SCFD1: variants seen among roughly 807,000 people sequenced by gnomAD.
The protein encoded by SCFD1 is sec1 family domain-containing protein 1.
Under a neutral mutation model 103.2 loss-of-function variants are expected in SCFD1, and 37 were observed. The observed-to-expected ratio is 0.36, with a 90% CI of 0.28 to 0.47. The LOEUF is 0.47. Ranked by LOEUF, SCFD1 falls within the 20% of genes least tolerant of loss-of-function variation. The probability of loss-of-function intolerance (pLI) is 1.00; values close to 1 mark genes in which losing one functional copy is unlikely to be tolerated. For missense variants in SCFD1, 639 were observed against 761.2 expected (o/e 0.84, Z 1.89); for synonymous variants, 264 against 245.0 (o/e 1.08, Z -0.73).
At chr14:30,669,710 G>C (rs1013357621) in intron 10 of SCFD1, 2 of 152,262 alleles carry the variant, frequency 1.3e-5, no homozygotes, top group African/African-American at 4.8e-5. Context: ...TAAAATTGCA[G>C]TTCATCACTC....
At chr14:30,684,503 G>A (rs555382835) in intron 14 of SCFD1, among the ~76,000 whole-genome samples, 1 of 152,100 alleles carries the variant, frequency 6.6e-6, no homozygotes, top group Non-Finnish European at 1.5e-5. Flanking sequence ...TTGAGGCAGT[G>A]TACTGAAAAA....
intron 14 of SCFD1, chr14:30,683,248 A>G (rs1159444763): frequency 2.0e-5 from 22 of 1,078,844 alleles, no homozygotes; most frequent in African/African-American, 3.2e-5. Context: ...CTTGTCCTTC[A>G]GGATGTCCAG....
chr14:30,723,101 G>A lies in SCFD1; in HGVS notation c.1836+542G>A, dbSNP rs187144515. ...GAAAAACACTATTTAAAATTCAGGGGCAACAGAATTAGCTATTTTTAGGAT... is the reference window on the plus strand; with the variant it reads ...GAAAAACACTATTTAAAATTCAGGGACAACAGAATTAGCTATTTTTAGGAT... On this transcript the variant is annotated intron_variant, in intron 23 of 24. Coordinates refer to ENST00000458591, the MANE Select transcript of SCFD1 (RefSeq NM_016106.4). Among the ~76,000 whole-genome samples, 309 of 152,200 alleles carry A rather than the reference G, an allele frequency of 2.0e-3. 1 individual carries two copies. Among genetic ancestry groups the A allele is most frequent in the Non-Finnish European group, 3.2e-3 (216 of 68,006 alleles).
rs964876279 is a variant in SCFD1, at chr14:30,708,706, A to G, written c.1629+641A>G. Reference sequence around the variant, plus strand: ...ATAATCAGAGAATATTAATAAGCTAATGAACTTCATATCTAAAGTCCTATG... The same window carrying G: ...ATAATCAGAGAATATTAATAAGCTAGTGAACTTCATATCTAAAGTCCTATG... On this transcript the variant is annotated intron_variant, in intron 19 of 24. Coordinates refer to ENST00000458591, the MANE Select transcript of SCFD1 (RefSeq NM_016106.4). 3.7e-4 allele frequency among the ~76,000 whole-genome samples: 56 copies of G among 152,160 alleles called. 1 individual carries two copies. Among genetic ancestry groups the G allele is most frequent in the Middle Eastern group, 6.3e-3 (2 of 316 alleles).
chr14:30,702,521 G>A (rs73254548), intron 17 of SCFD1, 146 bp downstream of exon 17: 13,118 of 473,704 alleles, frequency 0.028, 272 homozygotes, highest in African/African-American at 0.061. Flanking sequence ...TTCCTTATCT[G>A]GCCCACCCTG....
intron 20 of SCFD1, among the ~76,000 whole-genome samples, chr14:30,716,471 G>A (rs79640501): frequency 0.024 from 3,727 of 152,210 alleles, 147 homozygotes; most frequent in African/African-American, 0.085. Context: ...GGTCAATACC[G>A]TTAGCATTGA....
rs555501436 is a variant in SCFD1, at chr14:30,734,828, G to C, written c.1875G>C (p.Glu625Asp). ...QGKHILYGCS[E>D]LFNATQFIKQ... is the part of the protein sequence containing the mutation. ...AACACATTTTATATGGCTGCAGTGA[G>C]CTTTTTAATGCTACACAGTTCATAA... The change falls in exon 24 of 25, where the codon GAG becomes GAC. Residue 625 changes from glutamate to aspartate, a missense_variant. By Grantham distance (45) the Glu-to-Asp change is conservative. Transcript: ENST00000458591. 3 of 1,613,436 alleles carry C rather than the reference G, an allele frequency of 1.9e-6. No homozygotes were observed. Among genetic ancestry groups the C allele is most frequent in the East Asian group, 4.5e-5 (2 of 44,824 alleles).
rs1176290668 is a variant in SCFD1, at chr14:30,674,099, G to A, written c.1160+102G>A. 4 of 738,242 alleles carry A rather than the reference G, an allele frequency of 5.4e-6. No homozygotes were observed. In the African/African-American group the frequency reaches 7.2e-5, roughly 13 times the overall value. 45.7% of individuals were successfully genotyped at this position (738,242 alleles called of 1,614,324 possible). A position where few individuals can be genotyped will look rare whatever the true frequency, so the allele number is the denominator to read the frequency against. On this transcript the variant is annotated intron_variant, in intron 13 of 24. Coordinates refer to ENST00000458591, the MANE Select transcript of SCFD1 (RefSeq NM_016106.4). ...TGTTTTTAACTAGTAGGAAACTGTA[G>A]GCAATAGCAAATATAACTTTGAATT...
At chr14:30,726,156 C>A (rs78432125) in intron 23 of SCFD1, among the ~76,000 whole-genome samples, 11,856 of 152,074 alleles carry the variant, frequency 0.078, 751 homozygotes, top group African/African-American at 0.17. Flanking sequence ...AGATAAACAC[C>A]AAAATACTAA....
chr14:30,639,926 A>G, intron 6 of SCFD1, 62 bp downstream of exon 6: 1 of 1,493,054 alleles, frequency 6.7e-7, no homozygotes, highest in Non-Finnish European at 8.9e-7. Context: ...ACTGTAAGAA[A>G]AAAAGTGAAT....
chr14:30,645,082 A>C (rs936745626), intron 7 of SCFD1, among the ~76,000 whole-genome samples: 1 of 152,166 alleles, frequency 6.6e-6, no homozygotes, highest in Non-Finnish European at 1.5e-5. Context: ...CACTTACTGA[A>C]TAGGGAGTTC....
intron 8 of SCFD1, 44 bp from the exon 9 acceptor site, chr14:30,650,520 GT>G (rs760756807): frequency 8.8e-7 from 1 of 1,131,868 alleles, no homozygotes; most frequent in Admixed American, 1.9e-5. Context: ...CCTCCATAAA[GT>G]TATATGAAAC....
chr14:30,632,500 C>T (rs556566656), intron 3 of SCFD1, among the ~76,000 whole-genome samples: 7 of 151,976 alleles, frequency 4.6e-5, no homozygotes, highest in Non-Finnish European at 7.4e-5. Context: ...TCATGAAATA[C>T]GGTATTTGAT....
Position 30,734,874 on chromosome 14 carries a change from GTTGT to G in SCFD1, c.1905+23_1905+26del, listed in dbSNP as rs1228835382. On this transcript the variant is annotated intron_variant, in intron 24 of 24. Transcript: ENST00000458591. ...CATAAAACAGGTAAAGTATACATTT[GTTGT>G]TTGTTTCTGTTAACATACCCCTAGT... is the stretch of plus-strand genomic sequence containing the variant. 1 of 1,590,574 alleles carries G rather than the reference GTTGT, an allele frequency of 6.3e-7. No individual in the cohort carries two copies. Among genetic ancestry groups the G allele is most frequent in the East Asian group, 2.2e-5 (1 of 44,692 alleles).
rs750953854 is a variant in SCFD1, at chr14:30,694,781, A to T, written c.1251A>T (p.Lys417Asn). ...TGTTTATTTTGAAACAGGCAAGAAA[A>T]TTGGATGTATATTTTGAATATGAAG... ...TAVLEHIKAR[K>N]LDVYFEYEEK... The change falls in exon 15 of 25, where the codon AAA (lysine) becomes AAT (asparagine). Residue 417 changes from lysine to asparagine, a missense_variant. Physicochemically the swap from Lys to Asn is moderately conservative, Grantham distance 94 (BLOSUM62 0). Transcript: ENST00000458591. 1.1e-5 allele frequency: 17 copies of T among 1,579,386 alleles called. No individual in the cohort carries two copies. The highest frequency in any genetic ancestry group is 1.3e-5 in the Non-Finnish European group (15 of 1,169,936).
At chr14:30,728,876 G>A (rs1188671325) in intron 23 of SCFD1, among the ~76,000 whole-genome samples, 3 of 127,880 alleles carry the variant, frequency 2.3e-5, no homozygotes, top group African/African-American at 6.2e-5. Flanking sequence ...ACGGAGTCTC[G>A]TTCTGTCACC....
chr14:30,671,817 C>T (rs898293912), intron 11 of SCFD1, among the ~76,000 whole-genome samples: 55 of 151,890 alleles, frequency 3.6e-4, no homozygotes, highest in African/African-American at 1.2e-3. Context: ...GAGTAATTTG[C>T]CCAAGTCATC....
chr14:30,653,302 A>T (rs534575038), intron 9 of SCFD1, among the ~76,000 whole-genome samples, 187 bp from the exon 10 acceptor site: 1 of 152,224 alleles, frequency 6.6e-6, no homozygotes, highest in African/African-American at 2.4e-5. Context: ...CCCTGTCTCA[A>T]CAAAAAGCAA....
At chr14:30,698,046 G>A (rs1890815997) in intron 15 of SCFD1, among the ~76,000 whole-genome samples, 1 of 152,198 alleles carries the variant, frequency 6.6e-6, no homozygotes, top group South Asian at 2.1e-4. Context: ...TTTTACTGAG[G>A]CTGTGTTAGA....
Sources: allele counts gnomAD v4.1 joint callset (sites outside exome capture counted in the v4.1 genomes callset), GRCh38; gene constraint gnomAD v4.1.1; transcripts MANE v1.5; gene names NCBI Gene and HGNC (gene_info 2026-07-23, HGNC 2026-07-21).